Variants in ADAMTS3 observed in about 807,000 individuals in gnomAD.
The protein encoded by ADAMTS3 is A disintegrin and metalloproteinase with thrombospondin motifs 3.
ADAMTS3 carries 73 observed loss-of-function variants against 129.0 expected under a neutral mutation model. The observed-to-expected ratio is 0.57, with a 90% CI of 0.47 to 0.69. The LOEUF is 0.69. Ranked by LOEUF, ADAMTS3 falls within the 30% of genes least tolerant of loss-of-function variation. The pLI is 0.00. For synonymous variants in ADAMTS3, 477 were observed against 510.8 expected (o/e 0.93, Z 0.89); for missense variants, 1,457 against 1,514.5 (o/e 0.96, Z 0.63).
At chr4:72,299,884 A>T (rs1393645535) in intron 17 of ADAMTS3, among the ~76,000 whole-genome samples, 1 of 152,108 alleles carries the variant, frequency 6.6e-6, no homozygotes, top group Admixed American at 6.6e-5. Flanking sequence ...ATATTTTCTC[A>T]GTTTGTCTCT....
At chr4:72,556,599 G>T (rs1220651050) in intron 2 of ADAMTS3, among the ~76,000 whole-genome samples, 2 of 151,814 alleles carry the variant, frequency 1.3e-5, no homozygotes, top group African/African-American at 4.9e-5. Context: ...AAGCAAGGAA[G>T]AGATTTGGGT....
intron 3 of ADAMTS3, among the ~76,000 whole-genome samples, chr4:72,493,856 T>C (rs564118460): frequency 1.2e-4 from 18 of 152,206 alleles, no homozygotes; most frequent in Non-Finnish European, 2.5e-4. Context: ...AAGTATAGTA[T>C]TATTGTGGAG....
chr4:72,524,970 G>A (rs1165323485), intron 3 of ADAMTS3, among the ~76,000 whole-genome samples: 2 of 152,140 alleles, frequency 1.3e-5, no homozygotes, highest in East Asian at 1.9e-4. Context: ...TGATACCTGG[G>A]ATCCAGTTCT....
chr4:72,342,464 A>G (rs1341807406), intron 4 of ADAMTS3, among the ~76,000 whole-genome samples: 1 of 150,726 alleles, frequency 6.6e-6, no homozygotes, highest in Non-Finnish European at 1.5e-5. Context: ...CCCCGGTTCA[A>G]GTGATTCTTG....
intron 2 of ADAMTS3, among the ~76,000 whole-genome samples, chr4:72,558,743 C>T (rs921397351): frequency 1.3e-5 from 2 of 151,698 alleles, no homozygotes; most frequent in African/African-American, 4.9e-5. Context: ...TTTAACTGCA[C>T]ACCGATTTCC....
At chr4:72,480,833 G>A (rs865836354) in intron 3 of ADAMTS3, among the ~76,000 whole-genome samples, 4 of 149,262 alleles carry the variant, frequency 2.7e-5, no homozygotes, top group Non-Finnish European at 5.9e-5. Context: ...TCATTAAAAA[G>A]CTCATAGAAA....
chr4:72,535,643 C>T (rs1036434043), intron 3 of ADAMTS3, among the ~76,000 whole-genome samples: 2 of 152,100 alleles, frequency 1.3e-5, no homozygotes, highest in African/African-American at 4.8e-5. Context: ...GCTAGACACC[C>T]CTATGCCACT....
At position 72,568,860 on chromosome 4, in the gene ADAMTS3, A is replaced by G; in HGVS notation, c.-98T>C. ...ATAAGTTTCTTTAAGAAAAAAAGGA[A>G]AAGGGAAAAAATGCGAAATAGAAAA... On this transcript the variant is annotated 5_prime_UTR_variant, in exon 1 of 22. Coordinates refer to ENST00000286657, the MANE Select transcript of ADAMTS3 (RefSeq NM_014243.3). 1 of 902,096 alleles carries G rather than the reference A, an allele frequency of 1.1e-6. No individual in the cohort carries two copies. The highest frequency in any genetic ancestry group is 1.7e-6 in the Non-Finnish European group (1 of 583,162). The allele number at this position is 902,096 out of a possible 1,614,324, so 55.9% of individuals were successfully genotyped here.
At chr4:72,489,302 T>C (rs1194533767) in intron 3 of ADAMTS3, among the ~76,000 whole-genome samples, 2 of 151,982 alleles carry the variant, frequency 1.3e-5, no homozygotes, top group African/African-American at 4.8e-5. Flanking sequence ...TGTTGCTTTC[T>C]ATGGTTTCGA....
chr4:72,291,881 T>C (rs1718681218), intron 19 of ADAMTS3, among the ~76,000 whole-genome samples: 1 of 152,204 alleles, frequency 6.6e-6, no homozygotes, highest in South Asian at 2.1e-4. Flanking sequence ...TGTAAAAGTT[T>C]TCCTATTTCT....
intron 3 of ADAMTS3, among the ~76,000 whole-genome samples, chr4:72,515,108 A>G (rs1032225268): frequency 6.6e-6 from 1 of 152,082 alleles, no homozygotes; most frequent in African/African-American, 2.4e-5. Context: ...TCCTTGCGAT[A>G]GTTTGCTGAG....
intron 3 of ADAMTS3, among the ~76,000 whole-genome samples, chr4:72,488,238 C>T (rs560746107): frequency 6.6e-6 from 1 of 151,962 alleles, no homozygotes; most frequent in South Asian, 2.1e-4. Context: ...GCTGCCTTTT[C>T]CTGGTTGGTA....
At chr4:72,297,537 G>T (rs1205348502) in intron 18 of ADAMTS3, among the ~76,000 whole-genome samples, 1 of 152,060 alleles carries the variant, frequency 6.6e-6, no homozygotes, top group Non-Finnish European at 1.5e-5. Context: ...TCCTGCCCAT[G>T]GTGGGAAATT....
chr4:72,290,527 T>C (rs1400196152), intron 20 of ADAMTS3, among the ~76,000 whole-genome samples: 1 of 152,164 alleles, frequency 6.6e-6, no homozygotes, highest in Non-Finnish European at 1.5e-5. Context: ...GAGGAGTTAG[T>C]GCAGTGCCAA....
intron 4 of ADAMTS3, among the ~76,000 whole-genome samples, chr4:72,405,271 C>T (rs993462706): frequency 2.6e-5 from 4 of 151,850 alleles, no homozygotes; most frequent in Admixed American, 6.6e-5. Context: ...TTCACAATAT[C>T]GAAGATGTGG....
intron 4 of ADAMTS3, among the ~76,000 whole-genome samples, chr4:72,384,284 A>G (rs1046530750): frequency 6.6e-6 from 1 of 152,176 alleles, no homozygotes; most frequent in Non-Finnish European, 1.5e-5. Context: ...AAAATCTGCT[A>G]GAAGACATAT....
intron 21 of ADAMTS3, among the ~76,000 whole-genome samples, chr4:72,285,647 G>C (rs1718485882): frequency 1.3e-5 from 2 of 151,940 alleles, no homozygotes; most frequent in Admixed American, 1.3e-4. Context: ...GGTTTCATTA[G>C]GGCCAGAATT....
intron 17 of ADAMTS3, among the ~76,000 whole-genome samples, 188 bp downstream of exon 17, chr4:72,303,729 T>C (rs1035753125): frequency 1.3e-5 from 2 of 152,170 alleles, no homozygotes; most frequent in Admixed American, 1.3e-4. Context: ...GTTTATAATG[T>C]CTATATAATA....
intron 3 of ADAMTS3, among the ~76,000 whole-genome samples, chr4:72,518,861 T>C (rs1720574129): frequency 6.6e-6 from 1 of 151,902 alleles, no homozygotes; most frequent in Admixed American, 6.6e-5. Context: ...TTGTTATGTG[T>C]GAATTTGATC....
Sources: gnomAD v4.1 joint callset for allele counts (sites outside exome capture counted in the v4.1 genomes callset) on GRCh38, gnomAD v4.1.1 for gene constraint, MANE v1.5 for transcripts, NCBI Gene and HGNC (gene_info 2026-07-23, HGNC 2026-07-21) for gene names.